The following NRP1 variants were observed in gnomAD, a reference collection of about 807,000 sequenced individuals.
NRP1 encodes the protein neuropilin 1.
Under a neutral mutation model 106.7 loss-of-function variants are expected in NRP1, and 35 were observed. The observed-to-expected ratio is 0.33, with a 90% CI of 0.25 to 0.43. NRP1 has a LOEUF of 0.43. NRP1 is among the 20% of genes least tolerant of loss of function. NRP1 has a pLI of 1.00. For synonymous variants in NRP1, 437 were observed against 417.9 expected (o/e 1.05, Z -0.56); for missense variants, 1,024 against 1,170.4 (o/e 0.87, Z 1.83).
At chr10:33,194,468 A>G (rs765563192) in intron 12 of NRP1, 17 of 253,422 alleles carry the variant, frequency 6.7e-5, no homozygotes, top group Non-Finnish European at 1.1e-4. Flanking sequence ...TTCTGATGAT[A>G]CCATAAAATG....
intron 2 of NRP1, among the ~76,000 whole-genome samples, chr10:33,327,090 G>A (rs1007637966): frequency 1.4e-4 from 21 of 152,172 alleles, no homozygotes; most frequent in Non-Finnish European, 2.2e-4. Context: ...CTAAGGCATC[G>A]ATTTCTTAAG....
intron 2 of NRP1, among the ~76,000 whole-genome samples, chr10:33,279,946 A>G (rs1843992339): frequency 6.6e-6 from 1 of 152,224 alleles, no homozygotes; most frequent in Non-Finnish European, 1.5e-5. Context: ...ATTGTTCACA[A>G]TGAATAGGAA....
chr10:33,248,647 C>T (rs1387520721), intron 6 of NRP1, among the ~76,000 whole-genome samples: 4 of 152,202 alleles, frequency 2.6e-5, no homozygotes, highest in Non-Finnish European at 4.4e-5. Context: ...AGGTTGGCTC[C>T]AGTCCTTCTC....
At position 33,203,005 on chromosome 10, in the gene NRP1, G is replaced by A; in HGVS notation, c.1760-10C>T. 6.2e-7 allele frequency: 1 copy of A among 1,605,456 alleles called. No homozygotes were observed. ...GGTCCAGCTGTAGGGGCTGAAACAA[G>A]ATCCAAGGATTATTATCTCACACCT... On this transcript the variant is annotated splice_polypyrimidine_tract_variant and intron_variant, in intron 10 of 16. Transcript: ENST00000374867.
intron 8 of NRP1, among the ~76,000 whole-genome samples, chr10:33,216,946 T>C (rs1201483318): frequency 1.3e-5 from 2 of 152,176 alleles, no homozygotes; most frequent in African/African-American, 4.8e-5. Context: ...ATTTTCTCAA[T>C]TGCCCTTTCC....
intron 6 of NRP1, among the ~76,000 whole-genome samples, chr10:33,237,147 C>T (rs1178687109): frequency 2.0e-5 from 3 of 152,004 alleles, no homozygotes; most frequent in Admixed American, 6.6e-5. Context: ...TGAAATTACA[C>T]GAAACTGAAG....
chr10:33,307,715 A>G (rs1165070570), intron 2 of NRP1, among the ~76,000 whole-genome samples: 1 of 152,206 alleles, frequency 6.6e-6, no homozygotes, highest in Non-Finnish European at 1.5e-5. Context: ...ATCATAATTT[A>G]TAATTATTTA....
In NRP1 at chr10:33,258,819, C is replaced by T. The variant is rs547361273; in HGVS notation, c.659-2348G>A. ...TACACATGAAAATACCTTGCTAGAA[C>T]CATACACTTAAGTCTTTGCTTTCCT... is the stretch of plus-strand genomic sequence containing the variant. On this transcript the variant is annotated intron_variant, in intron 4 of 16. Coordinates refer to ENST00000374867, the MANE Select transcript of NRP1 (RefSeq NM_003873.7). 4.6e-5 allele frequency among the ~76,000 whole-genome samples: 7 copies of T among 152,180 alleles called. No homozygotes were observed. In the East Asian group the frequency reaches 1.2e-3, roughly 25 times the overall value.
At chr10:33,329,552 A>C (rs1192198442) in intron 2 of NRP1, among the ~76,000 whole-genome samples, 1 of 152,244 alleles carries the variant, frequency 6.6e-6, no homozygotes, top group Non-Finnish European at 1.5e-5. Context: ...GCAAAATAAT[A>C]TTTAGGTCCA....
chr10:33,217,535 C>A (rs540904059), intron 8 of NRP1, among the ~76,000 whole-genome samples: 59 of 152,302 alleles, frequency 3.9e-4, no homozygotes, highest in African/African-American at 1.3e-3. Flanking sequence ...CAGGCTGGTA[C>A]AGGTCAGCCC....
intron 2 of NRP1, among the ~76,000 whole-genome samples, chr10:33,303,800 C>T (rs1186810775): frequency 6.6e-6 from 1 of 152,170 alleles, no homozygotes; most frequent in Non-Finnish European, 1.5e-5. Context: ...GTTTGCAAGT[C>T]CTGACTCCCC....
intron 6 of NRP1, among the ~76,000 whole-genome samples, chr10:33,247,824 C>T (rs1841536476): frequency 6.6e-6 from 1 of 152,288 alleles, no homozygotes; most frequent in South Asian, 2.1e-4. Flanking sequence ...GAAGGATATC[C>T]ACGTCCATTG....
chr10:33,198,424 G>A (rs867287487), intron 11 of NRP1, among the ~76,000 whole-genome samples: 1 of 152,078 alleles, frequency 6.6e-6, no homozygotes, highest in Non-Finnish European at 1.5e-5. Context: ...TTACAGGTAT[G>A]AGCCACTGTG....
intron 6 of NRP1, among the ~76,000 whole-genome samples, chr10:33,240,830 G>A (rs193216404): frequency 1.3e-5 from 2 of 152,314 alleles, no homozygotes; most frequent in African/African-American, 4.8e-5. Flanking sequence ...AGAACAGGCT[G>A]CCTAGGTACA....
chr10:33,242,829 A>G (rs1372534773), intron 6 of NRP1, among the ~76,000 whole-genome samples: 1 of 152,218 alleles, frequency 6.6e-6, no homozygotes, highest in African/African-American at 2.4e-5. Context: ...GGCTAGACAG[A>G]TAAGACAAGT....
rs1466709539 is a variant in NRP1, at chr10:33,178,894, A to C, written c.*1182T>G. The C allele has an allele frequency of 3.3e-5, 5 of 152,656 alleles. No individual in the cohort carries two copies. The highest frequency in any genetic ancestry group is 7.4e-5 in the Non-Finnish European group (5 of 68,026). The allele number at this position is 152,656 out of a possible 1,614,324, so 9.5% of individuals were successfully genotyped here. On this transcript the variant is annotated 3_prime_UTR_variant, in exon 17 of 17. Coordinates refer to ENST00000374867, the MANE Select transcript of NRP1 (RefSeq NM_003873.7). The stretch of plus-strand genomic sequence containing the variant: ...AGTTAGGAATTTCCCTTATTTATTT[A>C]TTTTTAAACATAAAGTCTAGTAAAA...
intron 2 of NRP1, among the ~76,000 whole-genome samples, chr10:33,289,434 C>T (rs1414227689): frequency 6.6e-6 from 1 of 152,012 alleles, no homozygotes; most frequent in Non-Finnish European, 1.5e-5. Flanking sequence ...TTTTAGTTTC[C>T]ACAGGTGGAG....
At chr10:33,273,265 C>G (rs537383122) in intron 2 of NRP1, among the ~76,000 whole-genome samples, 1 of 152,194 alleles carries the variant, frequency 6.6e-6, no homozygotes, top group South Asian at 2.1e-4. Context: ...CCAACAGGGC[C>G]CCAAATAGTA....
intron 2 of NRP1, among the ~76,000 whole-genome samples, chr10:33,300,654 C>T (rs1588952331): frequency 6.6e-6 from 1 of 152,232 alleles, no homozygotes; most frequent in East Asian, 1.9e-4. Context: ...TATTCAAAGT[C>T]ACCCCTCTGC....
Sources: gnomAD v4.1 joint callset for allele counts (sites outside exome capture counted in the v4.1 genomes callset) on GRCh38, gnomAD v4.1.1 for gene constraint, MANE v1.5 for transcripts, NCBI Gene and HGNC (gene_info 2026-07-23, HGNC 2026-07-21) for gene names.